The following RBFOX1 variants were observed in gnomAD, a reference collection of about 807,000 sequenced individuals.
RBFOX1 encodes the protein RNA binding protein fox-1 homolog 1.
In RBFOX1, 8 loss-of-function variants were observed where a neutral mutation model predicts 57.7. That is an observed-to-expected ratio of 0.14 (90% confidence interval 0.08 to 0.25). The LOEUF is 0.25. Among genes scored for constraint, RBFOX1 ranks in the 10% least tolerant of loss-of-function variants. The pLI, the probability that RBFOX1 is intolerant of heterozygous loss-of-function variation, is 1.00. For missense variants in RBFOX1, 611 were observed against 548.5 expected, an observed-to-expected ratio of 1.11 and a Z score of -1.14; for synonymous variants, 326 against 222.4, an observed-to-expected ratio of 1.47 and a Z score of -4.15.
chr16:6,615,742 T>C (rs971911077), intron 2 of RBFOX1, among the ~76,000 whole-genome samples: 1 of 152,182 alleles, frequency 6.6e-6, no homozygotes, highest in Non-Finnish European at 1.5e-5. Context: ...AAAGTCTCTC[T>C]ATATAGCTTC....
chr16:7,009,711 C>T (rs933588385), intron 3 of RBFOX1, among the ~76,000 whole-genome samples: 2 of 152,118 alleles, frequency 1.3e-5, no homozygotes, highest in Non-Finnish European at 2.9e-5. Context: ...AGCAGTTGAG[C>T]CAACCTAATC....
chr16:5,302,519 A>C (rs1257285401), intron 1 of RBFOX1, among the ~76,000 whole-genome samples: 1 of 152,210 alleles, frequency 6.6e-6, no homozygotes, highest in East Asian at 1.9e-4. Context: ...TTTATCAGTT[A>C]CTCAGAATGG....
chr16:7,696,441 A>G (rs530059062), intron 14 of RBFOX1, among the ~76,000 whole-genome samples: 1 of 152,308 alleles, frequency 6.6e-6, no homozygotes, highest in East Asian at 1.9e-4. Flanking sequence ...GTGATTCATT[A>G]GGAATTTTCC....
intron 2 of RBFOX1, among the ~76,000 whole-genome samples, chr16:5,535,659 C>T (rs561592294): frequency 6.6e-6 from 1 of 152,258 alleles, no homozygotes; most frequent in East Asian, 1.9e-4. Context: ...TTGTTTCGGT[C>T]TGTTTCTTGA....
intron 4 of RBFOX1, among the ~76,000 whole-genome samples, chr16:7,181,671 G>A (rs1039999476): frequency 7.2e-5 from 11 of 151,846 alleles, no homozygotes; most frequent in African/African-American, 1.2e-4. Context: ...CAAGCGATTC[G>A]TGTGCCTCAG....
intron 14 of RBFOX1, among the ~76,000 whole-genome samples, chr16:7,704,659 G>C (rs1021180524): frequency 2.6e-5 from 4 of 152,194 alleles, no homozygotes; most frequent in Non-Finnish European, 5.9e-5. Context: ...TTCCAGGAGG[G>C]TGAAAGGTAA....
chr16:7,012,448 T>G (rs1179134412), intron 3 of RBFOX1, among the ~76,000 whole-genome samples: 1 of 152,190 alleles, frequency 6.6e-6, no homozygotes, highest in Non-Finnish European at 1.5e-5. Context: ...CCTTCAATCA[T>G]AGATGACATG....
chr16:7,478,384 A>G (rs1382708899), intron 4 of RBFOX1, among the ~76,000 whole-genome samples: 1 of 152,218 alleles, frequency 6.6e-6, no homozygotes, highest in African/African-American at 2.4e-5. Context: ...CTAAAGGGAA[A>G]GATTTTTTAA....
chr16:5,276,183 T>G (rs2333756), intron 1 of RBFOX1, among the ~76,000 whole-genome samples: 52,710 of 152,012 alleles, frequency 0.35, 9,300 homozygotes, highest in African/African-American at 0.41. Flanking sequence ...GATAAATAGA[T>G]GGGACTTAAT....
chr16:6,842,005 T>G (rs1603631155), intron 3 of RBFOX1, among the ~76,000 whole-genome samples: 2 of 149,678 alleles, frequency 1.3e-5, no homozygotes, highest in East Asian at 2.0e-4. Context: ...TAGCCGGGCG[T>G]GGTGGCGGGC....
At chr16:6,020,130 C>G (rs1036034752) in intron 1 of RBFOX1, 138 bp downstream of exon 1, 48 of 1,044,544 alleles carry the variant, frequency 4.6e-5, no homozygotes, top group Non-Finnish European at 5.1e-5. Flanking sequence ...TGGACGGGAA[C>G]TTTTTCAGGG....
chr16:6,236,950 A>G (rs978779227), intron 1 of RBFOX1, among the ~76,000 whole-genome samples: 5 of 152,184 alleles, frequency 3.3e-5, no homozygotes, highest in Admixed American at 6.5e-5. Flanking sequence ...ACTCAAGTCT[A>G]TTTGGCCCCA....
chr16:6,939,244 C>G (rs1773486434), intron 3 of RBFOX1, among the ~76,000 whole-genome samples: 1 of 152,096 alleles, frequency 6.6e-6, no homozygotes, highest in Non-Finnish European at 1.5e-5. Flanking sequence ...AAGGTTTCCC[C>G]ACTTCTCAAA....
rs76237934 is a variant in RBFOX1 at position 5,480,547 on chromosome 16, T to C, written c.258+13293T>C. On this transcript the variant is annotated intron_variant, in intron 2 of 2. Coordinates refer to the RBFOX1 transcript ENST00000585867. ...TCAAATGGTATAGAAAGATGCACAA[T>C]GCCCTGTTCGCCCAGTCCACCAGCC... 7.1e-3 allele frequency among the ~76,000 whole-genome samples: 1,077 copies of C among 152,314 alleles called. 12 individuals carry two copies. The highest frequency in any genetic ancestry group is 0.024 in the African/African-American group (1,007 of 41,564).
At chr16:6,078,736 G>A (rs747991477) in intron 1 of RBFOX1, among the ~76,000 whole-genome samples, 2 of 152,178 alleles carry the variant, frequency 1.3e-5, no homozygotes, top group Non-Finnish European at 2.9e-5. Flanking sequence ...AGCTATCAAT[G>A]TTGTTATTTG....
At chr16:5,680,204 C>T (rs1185203067) in intron 3 of RBFOX1, among the ~76,000 whole-genome samples, 2 of 152,120 alleles carry the variant, frequency 1.3e-5, no homozygotes, top group East Asian at 3.9e-4. Context: ...TGCTGCAGGA[C>T]ACCATGAAAC....
intron 2 of RBFOX1, among the ~76,000 whole-genome samples, chr16:6,589,109 A>AG (rs1318318569): frequency 2.0e-5 from 3 of 151,740 alleles, no homozygotes; most frequent in East Asian, 3.9e-4. Flanking sequence ...ATTACAAAAA[A>AG]ACCCCTAAAT....
chr16:6,546,054 A>T (rs2096890458), intron 2 of RBFOX1, among the ~76,000 whole-genome samples: 1 of 152,244 alleles, frequency 6.6e-6, no homozygotes, highest in Non-Finnish European at 1.5e-5. Context: ...ATAGCTGATG[A>T]ACTATTAAAA....
chr16:5,537,743 T>C (rs898465995), intron 2 of RBFOX1, among the ~76,000 whole-genome samples: 1 of 152,204 alleles, frequency 6.6e-6, no homozygotes, highest in Non-Finnish European at 1.5e-5. Context: ...TCAGACCCAG[T>C]TGGGAAAGGT....
Sources: gnomAD v4.1 joint callset for allele counts (sites outside exome capture counted in the v4.1 genomes callset) on GRCh38, gnomAD v4.1.1 for gene constraint, MANE v1.5 for transcripts, NCBI Gene and HGNC (gene_info 2026-07-23, HGNC 2026-07-21) for gene names.